Variants in SRPK2 observed in about 807,000 individuals in gnomAD.
SRPK2 encodes SFRS protein kinase 2.
In SRPK2, 21 loss-of-function variants were observed where a neutral mutation model predicts 90.8. The ratio of observed to expected loss-of-function variants is 0.23; its 90% CI spans 0.16 to 0.33. The LOEUF (loss-of-function observed/expected upper bound fraction) is 0.33, where lower values mean the gene tolerates loss of function less well. Among genes scored for constraint, SRPK2 ranks in the 10% least tolerant of loss-of-function variants. The pLI is 1.00. For missense variants in SRPK2, 620 were observed against 869.0 expected (o/e 0.71, Z 3.60); for synonymous variants, 288 against 311.1 (o/e 0.93, Z 0.78).
intron 2 of SRPK2, among the ~76,000 whole-genome samples, chr7:105,356,254 G>A (rs572086901): frequency 6.6e-6 from 1 of 152,132 alleles, no homozygotes; most frequent in African/African-American, 2.4e-5. Flanking sequence ...ATTAGCTCTG[G>A]GTGGGCTCTC....
chr7:105,368,720 C>T (rs1284857364), intron 2 of SRPK2, among the ~76,000 whole-genome samples: 3 of 151,954 alleles, frequency 2.0e-5, no homozygotes, highest in Admixed American at 6.6e-5. Flanking sequence ...CCCGTCTCTA[C>T]TAAAAATACA....
intron 5 of SRPK2, among the ~76,000 whole-genome samples, chr7:105,167,719 T>C (rs1790264908): frequency 6.6e-6 from 1 of 152,092 alleles, no homozygotes; most frequent in Admixed American, 6.6e-5. Flanking sequence ...CAAGTGATAC[T>C]CATGCCTCAG....
At chr7:105,393,652 T>G (rs1168137930), upstream of SRPK2, among the ~76,000 whole-genome samples, 1 of 151,978 alleles carries the variant, frequency 6.6e-6, no homozygotes. Context: ...TTATTATTTT[T>G]AAAAAGGCTT....
At position 105,158,142 on chromosome 7, in the gene SRPK2, C is replaced by T. The variant is rs1806806512; in HGVS notation, c.621+2365G>A. On this transcript the variant is annotated intron_variant, in intron 7 of 15. Coordinates refer to ENST00000393651, the MANE Select transcript of SRPK2 (RefSeq NM_182692.3). ...CATTCAACAAGGATGCACTGAGGTT[C>T]CACTGAACCTCAGATTTTCATCTTT... Among the ~76,000 whole-genome samples the T allele has an allele frequency of 2.0e-5, 3 of 152,296 alleles. No homozygotes were observed. The South Asian group carries it at 6.2e-4, about 32-fold the overall frequency.
chr7:105,342,992 T>C (rs1296821802), intron 2 of SRPK2, among the ~76,000 whole-genome samples: 1 of 152,186 alleles, frequency 6.6e-6, no homozygotes, highest in African/African-American at 2.4e-5. Flanking sequence ...AACCCAAACC[T>C]ACTCCCAAGA....
chr7:105,383,053 A>ATTTT (rs1161926443), intron 2 of SRPK2, among the ~76,000 whole-genome samples: 8 of 101,676 alleles, frequency 7.9e-5, no homozygotes, highest in South Asian at 5.8e-4. Flanking sequence ...AAAAGTAAAA[A>ATTTT]TTTTTTTTTT....
At chr7:105,214,977 G>A (rs1023654825) in intron 2 of SRPK2, among the ~76,000 whole-genome samples, 4 of 152,160 alleles carry the variant, frequency 2.6e-5, no homozygotes, top group East Asian at 1.9e-4. Context: ...AGACAATGTC[G>A]TACTGGCATA....
At chr7:105,358,043 G>C (rs984430752) in intron 2 of SRPK2, among the ~76,000 whole-genome samples, 1 of 151,880 alleles carries the variant, frequency 6.6e-6, no homozygotes, top group Non-Finnish European at 1.5e-5. Flanking sequence ...GACCAACATG[G>C]TAAAACCCTG....
chr7:105,244,978 T>C lies in SRPK2; in HGVS notation c.72-41193A>G, dbSNP rs1297156196. On this transcript the variant is annotated intron_variant, in intron 2 of 15. Transcript: ENST00000393651. ...GCTGCCAAGAAAGACTGAGCCCCCT[T>C]CCCTGCCCTCTCCCTGAAATAAAGA... 3.2e-5 allele frequency: 38 copies of C among 1,170,818 alleles called. 1 individual carries two copies. In the East Asian group the frequency reaches 8.2e-4, roughly 25 times the overall value. The allele number at this position is 1,170,818 out of a possible 1,614,324, so 72.5% of individuals were successfully genotyped here.
chr7:105,357,670 G>A (rs1196728964), intron 2 of SRPK2, among the ~76,000 whole-genome samples: 1 of 151,966 alleles, frequency 6.6e-6, no homozygotes, highest in Admixed American at 6.6e-5. Context: ...CTTGAACCCA[G>A]GAGGCGGAGG....
Position 105,120,192 on chromosome 7 carries a change from C to T in SRPK2, c.1916-2170G>A, listed in dbSNP as rs541837774. On this transcript the variant is annotated intron_variant, in intron 15 of 15. Transcript: ENST00000393651. Reference sequence around the variant, plus strand: ...AAACCAAGTTCTCTGGGAAAGGGAGCGAACTTTTATGACATGAATCTATTC... The same window carrying T: ...AAACCAAGTTCTCTGGGAAAGGGAGTGAACTTTTATGACATGAATCTATTC... Among the ~76,000 whole-genome samples, 3 of 152,218 alleles carry T rather than the reference C, an allele frequency of 2.0e-5. No individual in the cohort carries two copies. The East Asian group carries it at 5.8e-4, about 29-fold the overall frequency.
At chr7:105,125,392 G>A (rs1801044973) in intron 15 of SRPK2, among the ~76,000 whole-genome samples, 1 of 152,162 alleles carries the variant, frequency 6.6e-6, no homozygotes, top group African/African-American at 2.4e-5. Context: ...AAATAACCCA[G>A]GCAGACCAAA....
chr7:105,288,994 C>T (rs373852719), intron 2 of SRPK2, among the ~76,000 whole-genome samples: 2 of 151,638 alleles, frequency 1.3e-5, no homozygotes, highest in Non-Finnish European at 2.9e-5. Flanking sequence ...CGGAGGCTCA[C>T]GCCTGTAATC....
intron 3 of SRPK2, among the ~76,000 whole-genome samples, chr7:105,187,823 A>G (rs1213802599): frequency 5.3e-5 from 8 of 152,184 alleles, no homozygotes; most frequent in African/African-American, 4.8e-5. Flanking sequence ...AGGTTTTTTA[A>G]AAAAATAGGT....
chr7:105,238,171 T>C (rs1424127088), intron 2 of SRPK2, among the ~76,000 whole-genome samples: 1 of 152,230 alleles, frequency 6.6e-6, no homozygotes. Context: ...ACAATCATTT[T>C]CACTTCAAGG....
chr7:105,182,584 TG>T (rs1196255596), intron 3 of SRPK2, among the ~76,000 whole-genome samples: 1 of 151,872 alleles, frequency 6.6e-6, no homozygotes, highest in Non-Finnish European at 1.5e-5. Context: ...CCCAAGTAGC[TG>T]GAATTACAGA....
intron 2 of SRPK2, among the ~76,000 whole-genome samples, chr7:105,234,590 G>A (rs932130698): frequency 4.6e-5 from 7 of 152,044 alleles, no homozygotes; most frequent in African/African-American, 1.7e-4. Flanking sequence ...CTTACCCAAT[G>A]GTATATAACT....
At chr7:105,343,906 G>A (rs1007477974) in intron 2 of SRPK2, among the ~76,000 whole-genome samples, 4 of 152,078 alleles carry the variant, frequency 2.6e-5, no homozygotes, top group Non-Finnish European at 5.9e-5. Flanking sequence ...GGGATTACAG[G>A]CATGCGCCAC....
intron 2 of SRPK2, chr7:105,301,830 G>A: frequency 6.4e-7 from 1 of 1,561,292 alleles, no homozygotes; most frequent in Non-Finnish European, 8.8e-7. Context: ...GTTTGAATAT[G>A]CCAAAGACAA....
Sources: allele counts gnomAD v4.1 joint callset (sites outside exome capture counted in the v4.1 genomes callset), GRCh38; gene constraint gnomAD v4.1.1; transcripts MANE v1.5; gene names NCBI Gene and HGNC (gene_info 2026-07-23, HGNC 2026-07-21).